Variants in SV2B observed in about 807,000 individuals in gnomAD.
The protein encoded by SV2B is solute carrier family 22 member B2.
Under a neutral mutation model 73.9 loss-of-function variants are expected in SV2B, and 41 were observed. That is an observed-to-expected ratio of 0.56 (90% CI 0.43 to 0.72). SV2B has a LOEUF of 0.72. Among genes scored for constraint, SV2B ranks in the 30% least tolerant of loss-of-function variants. SV2B has a pLI of 0.00. For missense variants in SV2B, 764 were observed against 857.8 expected (o/e 0.89, Z 1.37); for synonymous variants, 314 against 314.2 (o/e 1.00, Z 0.01).
intron 2 of SV2B, among the ~76,000 whole-genome samples, chr15:91,228,368 T>C (rs765657947): frequency 4.6e-5 from 7 of 152,264 alleles, no homozygotes; most frequent in South Asian, 4.1e-4. Context: ...GTATAAATAA[T>C]AGATTTTTTT....
chr15:91,135,512 T>C (rs554969734), intron 1 of SV2B, among the ~76,000 whole-genome samples: 1 of 152,314 alleles, frequency 6.6e-6, no homozygotes, highest in Non-Finnish European at 1.5e-5. Flanking sequence ...ATCACAGCAA[T>C]GTTGCAAGAA....
At chr15:91,113,610 CCCG>C (rs1444722945) in intron 1 of SV2B, among the ~76,000 whole-genome samples, 1 of 152,132 alleles carries the variant, frequency 6.6e-6, no homozygotes, top group Non-Finnish European at 1.5e-5. Flanking sequence ...CAACTTTTTT[CCCG>C]CGATGAATAT....
chr15:91,298,894 C>T lies in SV2B; in HGVS notation c.*6342C>T, dbSNP rs1231688093. The T allele has an allele frequency of 1.3e-5, 2 of 152,202 alleles. No individual in the cohort carries two copies. Among genetic ancestry groups the T allele is most frequent in the African/African-American group, 4.8e-5 (2 of 41,454 alleles). The allele number at this position is 152,202 out of a possible 1,614,324, so 9.4% of individuals were successfully genotyped here. A position where few individuals can be genotyped will look rare whatever the true frequency, so the allele number is the denominator to read the frequency against. The stretch of plus-strand genomic sequence containing the variant: ...TTAAAAATGGTGGCCCTGTCCTCCA[C>T]TTCTTACCTACCATATATAATCTCA... On this transcript the variant is annotated 3_prime_UTR_variant, in exon 13 of 13. Coordinates refer to ENST00000394232, the MANE Select transcript of SV2B (RefSeq NM_001323032.3). This position sits in a 1 kb window ranked among gnomAD's most constrained non-coding sequence, Gnocchi z 5.4.
intron 6 of SV2B, 96 bp downstream of exon 6, chr15:91,260,505 C>A: frequency 2.2e-6 from 2 of 910,166 alleles, no homozygotes; most frequent in South Asian, 4.2e-5. Context: ...GGAAATTTGT[C>A]AAAAGGAGAA....
In SV2B at chr15:91,240,478, T is replaced by A. The variant is rs565673678; in HGVS notation, c.452-11341T>A. ...CTTGTTTACTGATGAACAAGAGGTG[T>A]TAGTCCCTCCTGTCCTGTCATGGAG... is the stretch of plus-strand genomic sequence containing the variant. On this transcript the variant is annotated intron_variant, in intron 2 of 12. Transcript: ENST00000394232. This position sits in a 1 kb window ranked among gnomAD's most constrained non-coding sequence, Gnocchi z 4.6. 2.0e-5 allele frequency among the ~76,000 whole-genome samples: 3 copies of A among 152,232 alleles called. No homozygotes were observed. The South Asian group carries it at 6.2e-4, about 32-fold the overall frequency.
Position 91,292,733 on chromosome 15 carries a change from A to C in SV2B, c.*181A>C, listed in dbSNP as rs1482361716. ...AATATGTTTGTAACTCAGGTGACTG[A>C]TTTGGGGGTGCCCTGAGCCACCCTT... On this transcript the variant is annotated 3_prime_UTR_variant, in exon 13 of 13. Transcript: ENST00000394232. 2.9e-6 allele frequency: 2 copies of C among 696,388 alleles called. No individual in the cohort carries two copies. The highest frequency in any genetic ancestry group is 4.4e-6 in the Non-Finnish European group (2 of 452,940). The allele number at this position is 696,388 out of a possible 1,614,324, so 43.1% of individuals were successfully genotyped here.
chr15:91,131,903 C>T (rs144632345), intron 1 of SV2B, among the ~76,000 whole-genome samples: 23 of 152,278 alleles, frequency 1.5e-4, no homozygotes, highest in African/African-American at 5.3e-4. Flanking sequence ...GCAGAGGTTG[C>T]AGTGAGCCAA....
intron 1 of SV2B, among the ~76,000 whole-genome samples, chr15:91,185,289 A>G (rs916811496): frequency 1.3e-5 from 2 of 152,162 alleles, no homozygotes; most frequent in African/African-American, 4.8e-5. Flanking sequence ...AATCAAATTT[A>G]TTTTGATATT....
rs2042836677 is a variant in SV2B at position 91,136,664 on chromosome 15, A to C, written c.-392+36301A>C. On this transcript the variant is annotated intron_variant, in intron 1 of 12. Transcript: ENST00000394232. The surrounding 1 kb of genome is among the most constrained non-coding windows in gnomAD (Gnocchi z 5.6). ...AGGAAGCTCTAGGTTCCCGTAAGGC[A>C]GACTGCCTTTTTAGTTGTCAGCAGA... Among the ~76,000 whole-genome samples the C allele has an allele frequency of 6.6e-6, 1 of 152,180 alleles. No homozygotes were observed. The highest frequency in any genetic ancestry group is 2.4e-5 in the African/African-American group (1 of 41,442).
intron 1 of SV2B, among the ~76,000 whole-genome samples, chr15:91,178,156 GT>G (rs1230453026): frequency 6.7e-6 from 1 of 148,656 alleles, no homozygotes; most frequent in Non-Finnish European, 1.5e-5. Flanking sequence ...TAATCATGTG[GT>G]TTTTGTCTTT....
At chr15:91,279,462 CT>C (rs2048613116) in intron 9 of SV2B, among the ~76,000 whole-genome samples, 1 of 152,228 alleles carries the variant, frequency 6.6e-6, no homozygotes, top group African/African-American at 2.4e-5. Context: ...TTTCTTTCAT[CT>C]TTTGAACTCT....
chr15:91,272,741 A>G (rs2239993), intron 9 of SV2B, among the ~76,000 whole-genome samples: 46,991 of 151,694 alleles, frequency 0.31, 7,799 homozygotes, highest in African/African-American at 0.4. Flanking sequence ...CACACACACA[A>G]TAGAACAGAG....
intron 6 of SV2B, among the ~76,000 whole-genome samples, chr15:91,263,877 C>T (rs1475457940): frequency 1.3e-5 from 2 of 152,264 alleles, no homozygotes; most frequent in Non-Finnish European, 2.9e-5. Context: ...TCTCTCTATT[C>T]TTCTCCCTTT....
At position 91,211,988 on chromosome 15, in the gene SV2B, A is replaced by G. The variant is rs538068718; in HGVS notation, c.-391-13885A>G. On this transcript the variant is annotated intron_variant, in intron 1 of 12. Coordinates refer to ENST00000394232, the MANE Select transcript of SV2B (RefSeq NM_001323032.3). ...TTTCAGCCAGAAGAATTATTTTTGA[A>G]TCAACTCTACTGTGAGAAAAAAAAA... is the stretch of plus-strand genomic sequence containing the variant. Among the ~76,000 whole-genome samples, 14 of 152,052 alleles carry G rather than the reference A, an allele frequency of 9.2e-5. 1 individual carries two copies. The East Asian group carries it at 2.7e-3, about 30-fold the overall frequency.
intron 1 of SV2B, among the ~76,000 whole-genome samples, chr15:91,190,394 A>C (rs2044964190): frequency 6.7e-6 from 1 of 150,192 alleles, no homozygotes; most frequent in African/African-American, 2.5e-5. Flanking sequence ...CTCCAGTACT[A>C]TGTTTTATAG....
At position 91,137,747 on chromosome 15, in the gene SV2B, CATCAAAT is replaced by C; in HGVS notation, c.-392+37387_-392+37393del. Among the ~76,000 whole-genome samples the C allele has an allele frequency of 6.6e-6, 1 of 151,618 alleles. No homozygotes were observed. Among genetic ancestry groups the C allele is most frequent in the East Asian group, 1.9e-4 (1 of 5,186 alleles). ...CCAACAGCATTAATTCATCGGAACA[CATCAAAT>C]ATGTTTAACCTGTAGGTTTATAATG... On this transcript the variant is annotated intron_variant, in intron 1 of 12. Transcript: ENST00000394232. This position sits in a 1 kb window ranked among gnomAD's most constrained non-coding sequence, Gnocchi z 4.9.
chr15:91,151,745 A>G (rs2043319352), intron 1 of SV2B, among the ~76,000 whole-genome samples: 1 of 152,236 alleles, frequency 6.6e-6, no homozygotes, highest in African/African-American at 2.4e-5. Flanking sequence ...AACCCCTTAT[A>G]TGAAGCTTTG....
Position 91,137,685 on chromosome 15 carries a change from C to CATATATTTCATATATATATAT in SV2B, c.-392+37323_-392+37324insTATATTTCATATATATATATA, listed in dbSNP as rs1567282350. 4.7e-3 allele frequency among the ~76,000 whole-genome samples: 585 copies of CATATATTTCATATATATATAT among 125,204 alleles called. 10 individuals carry two copies. Among genetic ancestry groups the CATATATTTCATATATATATAT allele is most frequent in the African/African-American group, 0.016 (563 of 34,676 alleles). 82.1% of individuals were successfully genotyped at this position (125,204 alleles called of 152,430 possible). A position where few individuals can be genotyped will look rare whatever the true frequency, so the allele number is the denominator to read the frequency against. On this transcript the variant is annotated intron_variant, in intron 1 of 12. Transcript: ENST00000394232. This position sits in a 1 kb window ranked among gnomAD's most constrained non-coding sequence, Gnocchi z 4.9. ...TATACATATATTTCATATATATATA[C>CATATATTTCATATATATATAT]ACACACACACACATTTGCACAGGTT...
At chr15:91,142,298 A>G (rs905174384) in intron 1 of SV2B, among the ~76,000 whole-genome samples, 14 of 152,000 alleles carry the variant, frequency 9.2e-5, no homozygotes, top group African/African-American at 2.9e-4. Flanking sequence ...CTACCTTTTC[A>G]CTTGCTAACT....
Sources: allele counts gnomAD v4.1 joint callset (sites outside exome capture counted in the v4.1 genomes callset), GRCh38; gene constraint gnomAD v4.1.1; non-coding constraint Gnocchi (gnomAD v3.1); transcripts MANE v1.5; gene names NCBI Gene and HGNC (gene_info 2026-07-23, HGNC 2026-07-21).